The following WDR49 variants were observed in gnomAD, a reference collection of about 807,000 sequenced individuals.
The protein encoded by WDR49 is WD repeat domain 49.
In WDR49, 107 loss-of-function variants were observed where a neutral mutation model predicts 119.5. The observed-to-expected ratio is 0.90, with a 90% CI of 0.77 to 1.05. WDR49 has a LOEUF of 1.05. WDR49 is among the 50% of genes least tolerant of loss of function. The pLI, the probability that WDR49 is intolerant of heterozygous loss-of-function variation, is 0.00. For synonymous variants in WDR49, 425 were observed against 418.8 expected, an observed-to-expected ratio of 1.01 and a Z score of -0.18; for missense variants, 1,240 against 1,220.5, an observed-to-expected ratio of 1.02 and a Z score of -0.24.
chr3:167,495,883 GA>G, intron 18 of WDR49, among the ~76,000 whole-genome samples: 354 of 71,204 alleles, frequency 5.0e-3, no homozygotes, highest in South Asian at 0.015. Flanking sequence ...TTAAAAATTT[GA>G]AAAAAAAAAA....
intron 7 of WDR49, among the ~76,000 whole-genome samples, chr3:167,595,320 T>A (rs1165862466): frequency 6.6e-6 from 1 of 152,070 alleles, no homozygotes; most frequent in Non-Finnish European, 1.5e-5. Context: ...TTCAATGCCA[T>A]CCCCATCAAG....
chr3:167,521,858 C>T (rs1752449526), intron 16 of WDR49, among the ~76,000 whole-genome samples: 2 of 151,974 alleles, frequency 1.3e-5, no homozygotes, highest in Admixed American at 6.6e-5. Context: ...GACGAGAAGC[C>T]TTAAGGAAGT....
intron 5 of WDR49, among the ~76,000 whole-genome samples, chr3:167,606,747 C>A (rs1226648110): frequency 6.6e-6 from 1 of 152,072 alleles, no homozygotes; most frequent in Non-Finnish European, 1.5e-5. Flanking sequence ...CTCCACTCTG[C>A]CTAGAATTTA....
intron 16 of WDR49, 79 bp from the exon 17 acceptor site, chr3:167,505,495 G>C: frequency 1.5e-6 from 2 of 1,377,884 alleles, no homozygotes; most frequent in Non-Finnish European, 1.9e-6. Context: ...GTGTATCTTT[G>C]ACCAAAAAAA....
At position 167,648,188 on chromosome 3, in the gene WDR49, G is replaced by A. The variant is rs77171070; in HGVS notation, c.165+5073C>T. 1.7e-3 allele frequency among the ~76,000 whole-genome samples: 256 copies of A among 152,162 alleles called. 3 individuals are homozygous for A. In the East Asian group the frequency reaches 0.04, roughly 24 times the overall value. On this transcript the variant is annotated intron_variant, in intron 2 of 18. Coordinates refer to ENST00000682715, the MANE Select transcript of WDR49 (RefSeq NM_001366157.1). ...TAAATGGGAAGTAAAAATTTATGCC[G>A]TGCCTATGTTTCAGGCTGGTAAAGG...
chr3:167,573,383 A>T (rs964896388), intron 8 of WDR49, among the ~76,000 whole-genome samples: 7 of 138,184 alleles, frequency 5.1e-5, no homozygotes, highest in African/African-American at 2.0e-4. Flanking sequence ...AAATAGCTTT[A>T]TGTGGAATAC....
chr3:167,626,960 G>T lies in WDR49; in HGVS notation c.498C>A (p.Ile166=). 1 of 1,332,640 alleles carries T rather than the reference G, an allele frequency of 7.5e-7. No homozygotes were observed. Among genetic ancestry groups the T allele is most frequent in the Admixed American group, 3.2e-5 (1 of 31,168 alleles). The allele number at this position is 1,332,640 out of a possible 1,614,324, so 82.6% of individuals were successfully genotyped here. Residue 166 remains isoleucine (I), a synonymous_variant, in exon 3 of 19, where the codon ATC becomes ATA. Transcript: ENST00000682715. The stretch of plus-strand genomic sequence containing the variant: ...CTTGCAGCTTTAAATGCTCTCCCCA[G>T]ATTGCCAATAAACCTTCTTTACTAA... ...LTISKEGLLA[I]WGEHLKLQET...
At chr3:167,615,897 T>C (rs1167671610) in intron 5 of WDR49, among the ~76,000 whole-genome samples, 2 of 152,184 alleles carry the variant, frequency 1.3e-5, no homozygotes, top group Non-Finnish European at 2.9e-5. Context: ...ATCACAGAGC[T>C]CATAGTGCAC....
intron 18 of WDR49, among the ~76,000 whole-genome samples, chr3:167,490,433 G>T (rs1751091906): frequency 6.6e-6 from 1 of 152,094 alleles, no homozygotes; most frequent in African/African-American, 2.4e-5. Flanking sequence ...GTATCCAAAA[G>T]GTCCTGAGGT....
chr3:167,537,391 G>C (rs912132054), intron 10 of WDR49, among the ~76,000 whole-genome samples: 1 of 152,042 alleles, frequency 6.6e-6, no homozygotes, highest in Non-Finnish European at 1.5e-5. Flanking sequence ...ATAATGTTTT[G>C]TACTTCAAAC....
intron 7 of WDR49, among the ~76,000 whole-genome samples, chr3:167,579,594 G>A (rs2108286996): frequency 6.6e-6 from 1 of 152,158 alleles, no homozygotes; most frequent in East Asian, 1.9e-4. Flanking sequence ...TATATTCATA[G>A]AGAAAATTGG....
chr3:167,565,162 C>G (rs1229419117), intron 8 of WDR49, among the ~76,000 whole-genome samples: 1 of 151,974 alleles, frequency 6.6e-6, no homozygotes, highest in African/African-American at 2.4e-5. Context: ...TTAGGGCAGC[C>G]ATTCTTTAGT....
intron 5 of WDR49, among the ~76,000 whole-genome samples, chr3:167,618,915 T>C (rs1716726989): frequency 6.6e-6 from 1 of 152,172 alleles, no homozygotes; most frequent in Non-Finnish European, 1.5e-5. Flanking sequence ...ATTGGTATGG[T>C]TGATTTTTTG....
At chr3:167,573,010 T>C (rs6780019) in intron 8 of WDR49, among the ~76,000 whole-genome samples, 31,240 of 152,076 alleles carry the variant, frequency 0.21, 3,504 homozygotes, top group South Asian at 0.27. Context: ...CATGCCACAT[T>C]GTTAAAATAA....
chr3:167,572,794 G>A (rs1714011369), intron 8 of WDR49, among the ~76,000 whole-genome samples: 1 of 152,170 alleles, frequency 6.6e-6, no homozygotes, highest in African/African-American at 2.4e-5. Flanking sequence ...GGTTGAGATG[G>A]CTCTGGAGAC....
chr3:167,615,636 T>G (rs1425239056), intron 5 of WDR49, among the ~76,000 whole-genome samples: 1 of 151,944 alleles, frequency 6.6e-6, no homozygotes, highest in African/African-American at 2.4e-5. Flanking sequence ...TAGAAGAAAC[T>G]AATAGGAATT....
At chr3:167,553,527 C>T (rs1712704001) in intron 10 of WDR49, among the ~76,000 whole-genome samples, 1 of 152,022 alleles carries the variant, frequency 6.6e-6, no homozygotes, top group Non-Finnish European at 1.5e-5. Context: ...CAAGTTTTGA[C>T]TTGAATTGAT....
chr3:167,486,466 G>T (rs1021850232), intron 18 of WDR49, among the ~76,000 whole-genome samples: 1 of 151,922 alleles, frequency 6.6e-6, no homozygotes, highest in Non-Finnish European at 1.5e-5. Flanking sequence ...CGGCATGCTG[G>T]TTACAAAAAA....
At chr3:167,609,757 G>T (rs916853712) in intron 5 of WDR49, among the ~76,000 whole-genome samples, 1 of 152,194 alleles carries the variant, frequency 6.6e-6, no homozygotes, top group Non-Finnish European at 1.5e-5. Context: ...ACCCCAGACT[G>T]CACAGCTCAC....
Sources: allele counts gnomAD v4.1 joint callset (sites outside exome capture counted in the v4.1 genomes callset), GRCh38; gene constraint gnomAD v4.1.1; transcripts MANE v1.5; gene names NCBI Gene and HGNC (gene_info 2026-07-23, HGNC 2026-07-21).